CRABP2: variants seen among roughly 807,000 people sequenced by gnomAD.
The protein encoded by CRABP2 is cellular retinoic acid-binding protein 2.
CRABP2 carries 20 observed loss-of-function variants against 17.9 expected under a neutral mutation model. That is an observed-to-expected ratio of 1.12 (90% CI 0.79 to 1.63). The LOEUF is 1.63. Among genes scored for constraint, CRABP2 ranks in the 40% most tolerant of loss-of-function variants. The pLI, the probability that CRABP2 is intolerant of heterozygous loss-of-function variation, is 0.00. For synonymous variants in CRABP2, 76 were observed against 66.4 expected (o/e 1.14, Z -0.70); for missense variants, 151 against 168.6 (o/e 0.90, Z 0.58).
upstream of CRABP2, chr1:156,705,773 T>G: frequency 1.4e-5 from 4 of 284,220 alleles, no homozygotes; most frequent in Non-Finnish European, 6.7e-6. The surrounding 1 kb of genome is among the most constrained non-coding windows in gnomAD (Gnocchi z 5.2). Flanking sequence ...TCTCCTGCGC[T>G]AGTAAGTGGA....
chr1:156,704,940 G>A (rs1648150368), intron 1 of CRABP2, among the ~76,000 whole-genome samples: 1 of 152,074 alleles, frequency 6.6e-6, no homozygotes, highest in Non-Finnish European at 1.5e-5. Context: ...ACCGAGGGGG[G>A]CACCGGGAAG....
intron 1 of CRABP2, among the ~76,000 whole-genome samples, chr1:156,704,654 T>A (rs1648142183): frequency 6.6e-6 from 1 of 152,022 alleles, no homozygotes; most frequent in Non-Finnish European, 1.5e-5. Flanking sequence ...TCGGGGGAGG[T>A]AGGTGGGAAC....
chr1:156,700,497 A>T (rs74118739), intron 3 of CRABP2, 45 bp downstream of exon 3: 2 of 1,469,622 alleles, frequency 1.4e-6, no homozygotes, highest in African/African-American at 2.8e-5. Context: ...GAATCTTGGA[A>T]GGTAGCACTG....
chr1:156,702,411 C>G (rs181094837), intron 1 of CRABP2, among the ~76,000 whole-genome samples: 1 of 151,744 alleles, frequency 6.6e-6, no homozygotes, highest in African/African-American at 2.4e-5. Flanking sequence ...GAGCCAAGAT[C>G]ACACCACTGC....
chr1:156,702,307 T>C (rs1374913657), intron 1 of CRABP2, among the ~76,000 whole-genome samples: 3 of 150,000 alleles, frequency 2.0e-5, no homozygotes, highest in Non-Finnish European at 1.5e-5. Context: ...AAAAATTAGC[T>C]GGGCATAGTG....
In CRABP2 at chr1:156,701,052, C is replaced by T. The variant is rs769703601; in HGVS notation, c.71G>A (p.Gly24Glu). ...AATCTTCCTCAGCATCACATTCACCCCTGTGGGGAGAGAGGAGAGGCTCAC... is the reference window on the plus strand; with the variant it reads ...AATCTTCCTCAGCATCACATTCACCTCTGTGGGGAGAGAGGAGAGGCTCAC... ...ENFEELLKVLGVNVMLRKIAV... is the reference protein window; with the variant it reads ...ENFEELLKVLEVNVMLRKIAV... Residue 24 changes from glycine (G) to glutamate (E), a missense_variant and splice_region_variant, in exon 2 of 4, where the codon GGG (glycine) becomes GAG (glutamate). By Grantham distance (98) the Gly-to-Glu change is moderately conservative. Transcript: ENST00000368222. 2.5e-6 allele frequency: 4 copies of T among 1,613,840 alleles called. No homozygotes were observed. The highest frequency in any genetic ancestry group is 2.2e-5 in the South Asian group (2 of 91,058).
intron 1 of CRABP2, among the ~76,000 whole-genome samples, chr1:156,702,496 G>A (rs893433786): frequency 2.0e-5 from 3 of 151,790 alleles, no homozygotes; most frequent in African/African-American, 7.3e-5. Flanking sequence ...AAAACGACCT[G>A]GCGCAGTGGC....
Position 156,699,945 on chromosome 1 carries a change from G to C in CRABP2, c.*81C>G, listed in dbSNP as rs1376477294. 8.4e-6 allele frequency: 12 copies of C among 1,432,128 alleles called. No homozygotes were observed. The highest frequency in any genetic ancestry group is 1.2e-5 in the Non-Finnish European group (12 of 1,035,706). 88.7% of individuals were successfully genotyped at this position (1,432,128 alleles called of 1,614,324 possible). On this transcript the variant is annotated 3_prime_UTR_variant, in exon 4 of 4. Coordinates refer to ENST00000368222, the MANE Select transcript of CRABP2 (RefSeq NM_001878.4). Reference sequence around the variant, plus strand: ...AGGGGAGCGCTATCCTAGAAGGAGGGGGTGGGACGGAGGGGGCAGTGAAGC... The same window carrying C: ...AGGGGAGCGCTATCCTAGAAGGAGGCGGTGGGACGGAGGGGGCAGTGAAGC...
rs775293212 is a variant in CRABP2 at position 156,700,948 on chromosome 1, C to G, written c.175G>C (p.Val59Leu). The change falls in exon 2 of 4, where the codon GTG becomes CTG. Residue 59 changes from valine to leucine, a missense_variant. Coordinates refer to ENST00000368222, the MANE Select transcript of CRABP2 (RefSeq NM_001878.4). Reference protein sequence around the residue: ...DTFYIKTSTTVRTTEINFKVG... With the variant: ...DTFYIKTSTTLRTTEINFKVG... ...TTGAAGTTAATCTCTGTGGTGCGCA[C>G]GGTGGTGGAGGTTTTGATGTAGAAA... is the stretch of plus-strand genomic sequence containing the variant. The G allele has an allele frequency of 6.2e-7, 1 of 1,614,190 alleles. No homozygotes were observed. The highest frequency in any genetic ancestry group is 8.5e-7 in the Non-Finnish European group (1 of 1,180,026).
chr1:156,703,166 G>C (rs1198333066), intron 1 of CRABP2, among the ~76,000 whole-genome samples: 1 of 152,040 alleles, frequency 6.6e-6, no homozygotes, highest in Non-Finnish European at 1.5e-5. Context: ...TCTGCTGTGA[G>C]AAGAAGGAAT....
chr1:156,702,560 G>A (rs1456581288), intron 1 of CRABP2, among the ~76,000 whole-genome samples: 1 of 151,158 alleles, frequency 6.6e-6, no homozygotes, highest in Non-Finnish European at 1.5e-5. Flanking sequence ...ATCATCTGAG[G>A]TTGGGAGTTT....
rs1453602092 is a variant in CRABP2 at position 156,699,795 on chromosome 1, C to A, written c.*231G>T. The A allele has an allele frequency of 3.7e-6, 2 of 541,340 alleles. No homozygotes were observed. The highest frequency in any genetic ancestry group is 6.7e-6 in the Non-Finnish European group (2 of 300,576). The allele number at this position is 541,340 out of a possible 1,614,324, so 33.5% of individuals were successfully genotyped here. A position where few individuals can be genotyped will look rare whatever the true frequency, so the allele number is the denominator to read the frequency against. On this transcript the variant is annotated 3_prime_UTR_variant, in exon 4 of 4. Transcript: ENST00000368222. ...TGACTTGGGGAGGCGGGGAGTGAAC[C>A]CGGAATGGGTGATCTGGGCTCTTGC...
In CRABP2 at chr1:156,701,852, A is replaced by G. The variant is rs530521000; in HGVS notation, c.71-800T>C. Among the ~76,000 whole-genome samples, 5 of 152,274 alleles carry G rather than the reference A, an allele frequency of 3.3e-5. No homozygotes were observed. The East Asian group carries it at 7.7e-4, about 23-fold the overall frequency. On this transcript the variant is annotated intron_variant, in intron 1 of 3. Transcript: ENST00000368222. ...GAAATAACAGCTTCTTCAAAAGCCAATCAAGGTTGGGTATAGTGGCTCACA... is the reference window on the plus strand; with the variant it reads ...GAAATAACAGCTTCTTCAAAAGCCAGTCAAGGTTGGGTATAGTGGCTCACA...
At chr1:156,702,665 G>A (rs1378931316) in intron 1 of CRABP2, among the ~76,000 whole-genome samples, 1 of 151,446 alleles carries the variant, frequency 6.6e-6, no homozygotes, top group South Asian at 2.1e-4. Context: ...CCAGCTGCTC[G>A]GGAGGCTGAG....
intron 1 of CRABP2, among the ~76,000 whole-genome samples, chr1:156,704,772 G>A (rs1271563041): frequency 6.6e-6 from 1 of 151,718 alleles, no homozygotes; most frequent in Admixed American, 6.6e-5. Flanking sequence ...GCTGCTCGCT[G>A]TATGAAAATA....
Position 156,699,980 on chromosome 1 carries a change from A to G in CRABP2, c.*46T>C, listed in dbSNP as rs150325179. On this transcript the variant is annotated 3_prime_UTR_variant, in exon 4 of 4. Transcript: ENST00000368222. ...GAGGGGGCAGTGAAGCAGGGCGGTG[A>G]GCATGGCCAGTGGTGGGCTTCGGCC... 6.8e-3 allele frequency: 10,893 copies of G among 1,595,482 alleles called. 792 individuals are homozygous for G. The Admixed American group carries it at 0.14, about 21-fold the overall frequency.
chr1:156,702,443 C>A (rs960628621), intron 1 of CRABP2, among the ~76,000 whole-genome samples: 4 of 148,074 alleles, frequency 2.7e-5, no homozygotes, highest in Admixed American at 1.3e-4. Flanking sequence ...GGCGACAAGG[C>A]GAGACTCCAT....
intron 1 of CRABP2, among the ~76,000 whole-genome samples, chr1:156,701,294 G>A (rs1040958988): frequency 1.3e-5 from 2 of 152,128 alleles, no homozygotes; most frequent in African/African-American, 2.4e-5. Context: ...CTGCCCCTGG[G>A]AGTCCTGTTC....
In CRABP2 at chr1:156,700,551, T is replaced by A; in HGVS notation, c.357A>T (p.Glu119Asp). The change falls in exon 3 of 4, where the codon GAA becomes GAT. Residue 119 changes from glutamate (E) to aspartate (D), a missense_variant. Transcript: ENST00000368222. ...SWTRELTNDG[E>D]LILTMTADDV... ...AGGAGGCAGGACTTACCAGGATCAG[T>A]TCCCCATCGTTGGTCAGTTCTCTGG... 1 of 1,613,474 alleles carries A rather than the reference T, an allele frequency of 6.2e-7. No individual in the cohort carries two copies. The highest frequency in any genetic ancestry group is 8.5e-7 in the Non-Finnish European group (1 of 1,179,422).
Sources: gnomAD v4.1 joint callset for allele counts (sites outside exome capture counted in the v4.1 genomes callset) on GRCh38, gnomAD v4.1.1 for gene constraint, Gnocchi (gnomAD v3.1) non-coding constraint, MANE v1.5 for transcripts, NCBI Gene and HGNC (gene_info 2026-07-23, HGNC 2026-07-21) for gene names.